FAM153A: variants seen among roughly 807,000 people sequenced by gnomAD.
FAM153A encodes protein FAM153A.
A neutral mutation model predicts 48.1 loss-of-function variants in FAM153A; 12 were observed. The ratio of observed to expected loss-of-function variants is 0.25; its 90% CI spans 0.16 to 0.40. The LOEUF (loss-of-function observed/expected upper bound fraction) is 0.40. Among genes scored for constraint, FAM153A ranks in the 10% least tolerant of loss-of-function variants. FAM153A has a pLI of 1.00. For synonymous variants in FAM153A, 36 were observed against 118.2 expected (o/e 0.30, Z 4.51); for missense variants, 111 against 345.8 (o/e 0.32, Z 5.38).
At chr5:177,706,627 A>C (rs1288644440), downstream of FAM153A, 1 of 151,934 alleles carries the variant, frequency 6.6e-6, no homozygotes, top group African/African-American at 2.4e-5. Flanking sequence ...AACACTTTAC[A>C]ATGAGAACTT....
the FAM153A span, among the ~76,000 whole-genome samples, chr5:177,694,298 C>T: frequency 6.8e-6 from 1 of 146,480 alleles, no homozygotes; most frequent in East Asian, 2.0e-4. Flanking sequence ...GTCAGTCCCA[C>T]TGGAGTGTAG....
At chr5:177,711,223 A>G (rs1758419262) in exon 27 of FAM153A, 1 of 151,924 alleles carries the variant, frequency 6.6e-6, no homozygotes, top group African/African-American at 2.4e-5. Context: ...ATTGAAAAGA[A>G]GACATTGGTC....
downstream of FAM153A, chr5:177,707,919 C>T: frequency 6.6e-6 from 1 of 151,892 alleles, no homozygotes; most frequent in Non-Finnish European, 1.5e-5. Flanking sequence ...AACCAGTGGC[C>T]AAACAGTATT....
intron 18 of FAM153A, among the ~76,000 whole-genome samples, chr5:177,727,157 C>T (rs907857847): frequency 1.3e-5 from 2 of 149,444 alleles, no homozygotes; most frequent in Non-Finnish European, 2.9e-5. Context: ...CTGCTGTGAT[C>T]TGATCATTCA....
rs1209233239 is a variant in FAM153A at position 177,726,230 on chromosome 5, ACC to A, written c.965-1411_965-1410del. Among the ~76,000 whole-genome samples the A allele has an allele frequency of 3.0e-5, 4 of 133,424 alleles. No homozygotes were observed. The South Asian group carries it at 1.2e-3, about 40-fold the overall frequency. 87.5% of individuals were successfully genotyped at this position (133,424 alleles called of 152,430 possible). A position where few individuals can be genotyped will look rare whatever the true frequency, so the allele number is the denominator to read the frequency against. On this transcript the variant is annotated intron_variant, in intron 18 of 20. Transcript: ENST00000614127. Reference sequence around the variant, plus strand: ...TAGCGCCTATGTGGGGCTGTGTCCCACCCCACACTCAACTTTACACCTGCATA... The same window carrying A: ...TAGCGCCTATGTGGGGCTGTGTCCCACCACACTCAACTTTACACCTGCATA...
At chr5:177,765,365 C>A (rs1156236991) in intron 1 of FAM153A, among the ~76,000 whole-genome samples, 1 of 107,000 alleles carries the variant, frequency 9.3e-6, no homozygotes, top group Non-Finnish European at 1.9e-5. Flanking sequence ...ACTATGAACA[C>A]CCGGGCTATG....
chr5:177,724,803 ATGG>A, exon 19 of FAM153A: 1 of 623,084 alleles, frequency 1.6e-6, no homozygotes, highest in South Asian at 1.9e-5. Flanking sequence ...GCTGCCTGTA[ATGG>A]TGGAGTCTTC....
chr5:177,748,870 C>G (rs1344970874), intron 2 of FAM153A, among the ~76,000 whole-genome samples, 171 bp from the exon 5 acceptor site: 1 of 135,358 alleles, frequency 7.4e-6, no homozygotes, highest in Non-Finnish European at 1.6e-5. Context: ...CAAATGAGAC[C>G]ATCAGGAAGC....
exon 26 of FAM153A, chr5:177,713,787 T>C (rs1451130418): frequency 1.3e-5 from 2 of 151,920 alleles, no homozygotes; most frequent in Admixed American, 6.5e-5. Context: ...TTCCTGTTCA[T>C]GAATGGCAGG....
At chr5:177,709,607 C>T (rs1201358876), downstream of FAM153A, among the ~76,000 whole-genome samples, 3 of 148,168 alleles carry the variant, frequency 2.0e-5, no homozygotes, top group East Asian at 2.0e-4. Context: ...GTGATTCACC[C>T]GCCTCGGCCT....
chr5:177,754,433 C>G (rs539913652), upstream of FAM153A, among the ~76,000 whole-genome samples: 16 of 151,924 alleles, frequency 1.1e-4, no homozygotes, highest in South Asian at 3.3e-3. Flanking sequence ...AAACAAAAGG[C>G]AGCAGAAACC....
intron 24 of FAM153A, among the ~76,000 whole-genome samples, chr5:177,716,892 G>A (rs1759924183): frequency 6.6e-6 from 1 of 151,474 alleles, no homozygotes; most frequent in Non-Finnish European, 1.5e-5. Context: ...TCCACCTCCT[G>A]GGTCCAAATG....
intron 1 of FAM153A, among the ~76,000 whole-genome samples, chr5:177,760,127 A>T (rs1442215981): frequency 2.7e-5 from 4 of 150,930 alleles, no homozygotes; most frequent in Non-Finnish European, 5.9e-5. Context: ...AAAATTGGGC[A>T]GGTGTGCACA....
chr5:177,739,023 G>C, intron 10 of FAM153A, 90 bp downstream of exon 12: 1 of 1,068,986 alleles, frequency 9.4e-7, no homozygotes, highest in Non-Finnish European at 1.4e-6. Context: ...TCCAATGAGA[G>C]TGGTTCTCCA....
At chr5:177,712,819 T>A (rs1056319469) in exon 27 of FAM153A, 7 of 151,304 alleles carry the variant, frequency 4.6e-5, no homozygotes, top group African/African-American at 1.7e-4. Flanking sequence ...GAATGTATGT[T>A]AAACAAAGGC....
upstream of FAM153A, chr5:177,781,486 C>T (rs1439303703): frequency 9.5e-6 from 1 of 105,598 alleles, no homozygotes; most frequent in Non-Finnish European, 2.0e-5. Flanking sequence ...AATGTTAAAA[C>T]CTTGATTTTT....
chr5:177,708,691 CTT>C (rs1262600258), downstream of FAM153A, among the ~76,000 whole-genome samples: 5 of 151,974 alleles, frequency 3.3e-5, no homozygotes, highest in Non-Finnish European at 7.3e-5. Context: ...TAAGTCTGAT[CTT>C]TTTTTAGTGT....
chr5:177,696,281 C>G, the FAM153A span, among the ~76,000 whole-genome samples: 1 of 145,660 alleles, frequency 6.9e-6, no homozygotes, highest in Non-Finnish European at 1.5e-5. Context: ...GGCAGGGGCA[C>G]TCCCCACTTC....
chr5:177,708,951 C>T (rs1437637714), downstream of FAM153A, among the ~76,000 whole-genome samples: 12 of 150,824 alleles, frequency 8.0e-5, no homozygotes, highest in South Asian at 2.1e-4. Flanking sequence ...AAAAATTAGA[C>T]GGGAGTGGTG....
Sources: gnomAD v4.1 joint callset for allele counts (sites outside exome capture counted in the v4.1 genomes callset) on GRCh38, gnomAD v4.1.1 for gene constraint, MANE v1.5 for transcripts, NCBI Gene and HGNC (gene_info 2026-07-23, HGNC 2026-07-21) for gene names.